Variants in SEPTIN7 observed in about 807,000 individuals in gnomAD.
SEPTIN7 encodes septin-7.
Under a neutral mutation model 63.3 loss-of-function variants are expected in SEPTIN7, and 10 were observed. The ratio of observed to expected loss-of-function variants is 0.16; its 90% CI spans 0.10 to 0.27. The LOEUF (loss-of-function observed/expected upper bound fraction) is 0.27, where lower values mean the gene tolerates loss of function less well. Among genes scored for constraint, SEPTIN7 ranks in the 10% least tolerant of loss-of-function variants. The pLI is 1.00. For missense variants in SEPTIN7, 310 were observed against 521.0 expected, an observed-to-expected ratio of 0.59 and a Z score of 3.94; for synonymous variants, 131 against 165.3, an observed-to-expected ratio of 0.79 and a Z score of 1.59.
intron 11 of SEPTIN7, among the ~76,000 whole-genome samples, 156 bp downstream of exon 11, chr7:35,890,949 ATAG>A (rs1296497894): frequency 6.6e-6 from 1 of 152,192 alleles, no homozygotes; most frequent in Non-Finnish European, 1.5e-5. Flanking sequence ...TGCTTTGTTA[ATAG>A]TAGAAGCTTT....
downstream of SEPTIN7, among the ~76,000 whole-genome samples, chr7:35,910,755 A>G (rs189050045): frequency 6.6e-6 from 1 of 152,372 alleles, no homozygotes; most frequent in East Asian, 1.9e-4. Flanking sequence ...AGCATTATTA[A>G]CTTCAAATTT....
At chr7:35,877,003 CTG>C (rs1786514392) in intron 6 of SEPTIN7, among the ~76,000 whole-genome samples, 1 of 151,976 alleles carries the variant, frequency 6.6e-6, no homozygotes. Context: ...GGGGTGCACT[CTG>C]TAGTCCTAGC....
At chr7:35,880,812 T>C (rs1786830566) in intron 7 of SEPTIN7, among the ~76,000 whole-genome samples, 1 of 152,120 alleles carries the variant, frequency 6.6e-6, no homozygotes, top group Admixed American at 6.5e-5. Flanking sequence ...AAACTGTTTT[T>C]CTAGACTCAC....
At chr7:35,836,838 T>C (rs1044154001) in intron 3 of SEPTIN7, among the ~76,000 whole-genome samples, 1 of 152,176 alleles carries the variant, frequency 6.6e-6, no homozygotes, top group African/African-American at 2.4e-5. Flanking sequence ...TTTTGTGGTA[T>C]TTTTAAGATA....
chr7:35,819,755 T>C (rs1421855544), intron 1 of SEPTIN7, among the ~76,000 whole-genome samples: 1 of 152,156 alleles, frequency 6.6e-6, no homozygotes, highest in East Asian at 1.9e-4. Flanking sequence ...ACTTCAGCTC[T>C]CTCTTGTTTT....
intron 3 of SEPTIN7, among the ~76,000 whole-genome samples, chr7:35,861,760 A>G (rs1330094605): frequency 6.6e-6 from 1 of 152,206 alleles, no homozygotes; most frequent in African/African-American, 2.4e-5. Flanking sequence ...TTCTTCTGGC[A>G]GACCAGAGAG....
chr7:35,879,334 A>G (rs764528150), intron 6 of SEPTIN7, among the ~76,000 whole-genome samples: 8 of 152,070 alleles, frequency 5.3e-5, no homozygotes, highest in Non-Finnish European at 1.0e-4. Context: ...AAATACAAAA[A>G]TTAGGCAGGC....
At chr7:35,826,377 T>G (rs1783516829) in intron 1 of SEPTIN7, among the ~76,000 whole-genome samples, 1 of 149,896 alleles carries the variant, frequency 6.7e-6, no homozygotes, top group South Asian at 2.1e-4. Context: ...TAAAACAATA[T>G]GCTATATATA....
intron 3 of SEPTIN7, among the ~76,000 whole-genome samples, chr7:35,838,294 TTCCTTCCTTCCC>T: frequency 1.0e-4 from 1 of 9,840 alleles, no homozygotes; most frequent in Non-Finnish European, 1.8e-4. Flanking sequence ...CCTTCCTTCC[TTCCTTCCTTCCC>T]TCCCTCCCTC....
rs576712699 is a variant in SEPTIN7 at position 35,819,758 on chromosome 7, CTT to C, written c.62-11733_62-11732del. On this transcript the variant is annotated intron_variant, in intron 1 of 13. Transcript: ENST00000350320. ...ATTAGTGTAGCTACTTCAGCTCTCTCTTGTTTTCTGTCCTTTTTTTTCAATCT... is the reference window on the plus strand; with the variant it reads ...ATTAGTGTAGCTACTTCAGCTCTCTCGTTTTCTGTCCTTTTTTTTCAATCT... Among the ~76,000 whole-genome samples, 267 of 151,984 alleles carry C rather than the reference CTT, an allele frequency of 1.8e-3. 1 individual carries two copies. The highest frequency in any genetic ancestry group is 3.1e-3 in the Non-Finnish European group (211 of 67,928).
At position 35,827,273 on chromosome 7, in the gene SEPTIN7, T is replaced by G. The variant is rs558033377; in HGVS notation, c.62-4219T>G. Among the ~76,000 whole-genome samples the G allele has an allele frequency of 3.9e-5, 6 of 152,298 alleles. No individual in the cohort carries two copies. In the South Asian group the frequency reaches 8.3e-4, roughly 21 times the overall value. On this transcript the variant is annotated intron_variant, in intron 1 of 13. Coordinates refer to ENST00000350320, the MANE Select transcript of SEPTIN7 (RefSeq NM_001788.6). The stretch of plus-strand genomic sequence containing the variant: ...GCTTGGGTGAATATGCTTTTATTTA[T>G]ACATACTTATAAATGCCACAATTGT...
chr7:35,838,522 A>C (rs1306999349), intron 3 of SEPTIN7: 1 of 151,004 alleles, frequency 6.6e-6, no homozygotes, highest in Non-Finnish European at 1.5e-5. Context: ...ATTGTGTGCC[A>C]CCGTGCCCAG....
chr7:35,900,379 A>G lies in SEPTIN7; in HGVS notation c.1134+1996A>G, dbSNP rs545226557. ...TAAATGCTAATAGCAGTGCCCTCCT[A>G]TCATAGGGCAAACCAAAATGTGCAT... On this transcript the variant is annotated intron_variant, in intron 12 of 13. Coordinates refer to ENST00000350320, the MANE Select transcript of SEPTIN7 (RefSeq NM_001788.6). The G allele has an allele frequency of 2.0e-5, 3 of 152,310 alleles. No homozygotes were observed. In the South Asian group the frequency reaches 6.2e-4, roughly 32 times the overall value. 9.4% of individuals were successfully genotyped at this position (152,310 alleles called of 1,614,324 possible). A position where few individuals can be genotyped will look rare whatever the true frequency, so the allele number is the denominator to read the frequency against.
intron 6 of SEPTIN7, chr7:35,879,577 T>A (rs545139038): frequency 2.3e-5 from 7 of 308,272 alleles, no homozygotes; most frequent in Non-Finnish European, 3.7e-5. Flanking sequence ...CCTTTCTGGT[T>A]TTTCCAATTC....
intron 4 of SEPTIN7, 131 bp from the exon 5 acceptor site, chr7:35,872,535 A>C (rs1403681735): frequency 2.4e-5 from 16 of 670,676 alleles, no homozygotes; most frequent in Non-Finnish European, 4.3e-5. Flanking sequence ...GTAATGTGGT[A>C]GTAGGTAGAT....
chr7:35,898,455 A>G (rs1788086533), intron 12 of SEPTIN7, 72 bp downstream of exon 12: 1 of 970,524 alleles, frequency 1.0e-6, no homozygotes, highest in Non-Finnish European at 1.5e-6. Flanking sequence ...AGTAAAATTT[A>G]TAGATAATAT....
intron 3 of SEPTIN7, among the ~76,000 whole-genome samples, chr7:35,855,727 A>G (rs1785171153): frequency 6.6e-6 from 1 of 152,202 alleles, no homozygotes; most frequent in Non-Finnish European, 1.5e-5. Context: ...TATGATCTGT[A>G]GGTTCCAGCA....
intron 12 of SEPTIN7, chr7:35,902,188 T>G (rs1788362542): frequency 1.3e-5 from 2 of 151,808 alleles, no homozygotes; most frequent in Non-Finnish European, 2.9e-5. Context: ...CATAGAAGGA[T>G]TTAATCTGAT....
chr7:35,816,826 A>G (rs773925589), intron 1 of SEPTIN7, among the ~76,000 whole-genome samples: 1 of 152,166 alleles, frequency 6.6e-6, no homozygotes, highest in Non-Finnish European at 1.5e-5. Context: ...GATGTTGAAC[A>G]TCTTTTCATG....
Sources: gnomAD v4.1 joint callset for allele counts (sites outside exome capture counted in the v4.1 genomes callset) on GRCh38, gnomAD v4.1.1 for gene constraint, MANE v1.5 for transcripts, NCBI Gene and HGNC (gene_info 2026-07-23, HGNC 2026-07-21) for gene names.